The following SLC44A2 variants were observed in gnomAD, a reference collection of about 807,000 sequenced individuals.
The protein encoded by SLC44A2 is choline transporter-like protein 2.
SLC44A2 carries 57 observed loss-of-function variants against 90.8 expected under a neutral mutation model. The observed-to-expected ratio is 0.63, with a 90% CI of 0.51 to 0.78. The LOEUF is 0.78. SLC44A2 is among the 30% of genes least tolerant of loss of function. The probability of loss-of-function intolerance (pLI) is 0.00; values close to 1 mark genes in which losing one functional copy is unlikely to be tolerated. For missense variants in SLC44A2, 794 were observed against 919.7 expected (o/e 0.86, Z 1.77); for synonymous variants, 355 against 360.7 (o/e 0.98, Z 0.18).
At position 10,631,642 on chromosome 19, in the gene SLC44A2, C is replaced by T; in HGVS notation, c.519C>T (p.Phe173=). The T allele has an allele frequency of 1.2e-6, 2 of 1,613,600 alleles. No individual in the cohort carries two copies. Among genetic ancestry groups the T allele is most frequent in the Non-Finnish European group, 1.7e-6 (2 of 1,179,858 alleles). Residue 173 remains phenylalanine, a synonymous_variant, in exon 8 of 22, where the codon TTC becomes TTT. Transcript: ENST00000335757. ...IPSKPLARRC[F]PAIHAYKGVL... ...TCCATGCAGTGGCCCGGAGATGCTT[C>T]CCCGCTATCCACGCCTACAAGGGTG...
chr19:10,643,125 C>T (rs574239333), intron 21 of SLC44A2, 154 bp from the exon 22 acceptor site: 8 of 1,450,262 alleles, frequency 5.5e-6, no homozygotes, highest in Middle Eastern at 2.1e-4. Flanking sequence ...GTGTGTCCCT[C>T]GGAGCCCACT....
rs1018239328 is a variant in SLC44A2 at position 10,605,822 on chromosome 19, C to T, written c.31+3261C>T. Among the ~76,000 whole-genome samples the T allele has an allele frequency of 2.3e-4, 35 of 151,450 alleles. 1 individual carries two copies. Among genetic ancestry groups the T allele is most frequent in the Admixed American group, 2.2e-3 (34 of 15,194 alleles). ...CAGCCTGGCCAACATGGTGAAACCC[C>T]GTCTCTATTAAAAATATAAAAATTA... On this transcript the variant is annotated intron_variant, in intron 1 of 21. Transcript: ENST00000407327.
In SLC44A2 at chr19:10,642,773, T is replaced by C. The variant is rs79965874; in HGVS notation, c.2014+322T>C. 2,312 of 1,253,480 alleles carry C rather than the reference T, an allele frequency of 1.8e-3. 32 individuals are homozygous for C. In the African/African-American group the frequency reaches 0.032, roughly 17 times the overall value. 77.6% of individuals were successfully genotyped at this position (1,253,480 alleles called of 1,614,324 possible). A position where few individuals can be genotyped will look rare whatever the true frequency, so the allele number is the denominator to read the frequency against. ...GGTCTCTCCATCTGTTTTTTTTGTT[T>C]GTTTTTTTCTTCTCTCTTCCTCTCC... On this transcript the variant is annotated intron_variant, in intron 21 of 21. Coordinates refer to ENST00000335757, the MANE Select transcript of SLC44A2 (RefSeq NM_020428.4).
At chr19:10,627,008 C>CT (rs1433933703) in intron 2 of SLC44A2, among the ~76,000 whole-genome samples, 5 of 149,314 alleles carry the variant, frequency 3.3e-5, no homozygotes, top group African/African-American at 1.2e-4. Flanking sequence ...GAGACTCTGT[C>CT]TCAAAAAAAA....
chr19:10,643,009 C>G (rs779654596), intron 21 of SLC44A2: 1 of 1,558,560 alleles, frequency 6.4e-7, no homozygotes, highest in Admixed American at 1.8e-5. Context: ...GGGCAGAAGC[C>G]GAGGAGTAGA....
At chr19:10,641,390 T>C (rs1487859196) in intron 20 of SLC44A2, 19 of 444,422 alleles carry the variant, frequency 4.3e-5, no homozygotes, top group Middle Eastern at 3.4e-4. Flanking sequence ...TGAGACCCTG[T>C]CTCAAAAAAA....
At chr19:10,636,878 T>C in intron 16 of SLC44A2, 122 bp downstream of exon 16, 1 of 1,035,230 alleles carries the variant, frequency 9.7e-7, no homozygotes, top group South Asian at 1.6e-5. Context: ...TGGGTTTCTG[T>C]CTATGACGGG....
At chr19:10,631,842 C>T (rs1348032070) in intron 8 of SLC44A2, 26 bp from the exon 9 acceptor site, 2 of 1,614,218 alleles carry the variant, frequency 1.2e-6, no homozygotes, top group East Asian at 2.2e-5. Flanking sequence ...GAGGGTCTGA[C>T]CCGAGCCTTG....
intron 1 of SLC44A2, among the ~76,000 whole-genome samples, chr19:10,609,756 T>C (rs973159935): frequency 6.6e-6 from 1 of 152,120 alleles, no homozygotes; most frequent in African/African-American, 2.4e-5. Flanking sequence ...TAAGCCACCA[T>C]GCCCAGCCCA....
chr19:10,617,200 A>G (rs1056729166), intron 1 of SLC44A2, among the ~76,000 whole-genome samples: 1 of 152,080 alleles, frequency 6.6e-6, no homozygotes, highest in Non-Finnish European at 1.5e-5. Context: ...GATTACAGGC[A>G]TGAGCAACCA....
At chr19:10,604,635 C>G (rs1918050020) in intron 1 of SLC44A2, among the ~76,000 whole-genome samples, 1 of 152,124 alleles carries the variant, frequency 6.6e-6, no homozygotes, top group African/African-American at 2.4e-5. Flanking sequence ...CACTTAGGAG[C>G]CGTGTGGCCC....
intron 1 of SLC44A2, among the ~76,000 whole-genome samples, chr19:10,611,061 T>C (rs757630503): frequency 2.2e-4 from 34 of 152,082 alleles, no homozygotes; most frequent in Admixed American, 1.0e-3. Context: ...CCCAGGCTGG[T>C]TGAATTCCCC....
In SLC44A2 at chr19:10,642,304, CAG is replaced by C. The variant is rs899922874; in HGVS notation, c.1930-62_1930-61del. ...ATGTGGTCCCAGCATAGGATGGACT[CAG>C]GGGGTGGGGGCTGCTCTGGGAAGGA... On this transcript the variant is annotated intron_variant, in intron 20 of 21. Transcript: ENST00000335757. 80 of 1,424,346 alleles carry C rather than the reference CAG, an allele frequency of 5.6e-5. 1 individual carries two copies. The highest frequency in any genetic ancestry group is 2.4e-4 in the African/African-American group (17 of 71,118). 88.2% of individuals were successfully genotyped at this position (1,424,346 alleles called of 1,614,324 possible). A position where few individuals can be genotyped will look rare whatever the true frequency, so the allele number is the denominator to read the frequency against.
chr19:10,629,299 C>T (rs1437397277), intron 4 of SLC44A2, among the ~76,000 whole-genome samples: 4 of 40,976 alleles, frequency 9.8e-5, no homozygotes, highest in South Asian at 7.0e-4. Flanking sequence ...TATTTTGAAA[C>T]GGAATTTTGC....
At chr19:10,624,745 G>A (rs2066916756), upstream of SLC44A2, among the ~76,000 whole-genome samples, 1 of 152,234 alleles carries the variant, frequency 6.6e-6, no homozygotes, top group Non-Finnish European at 1.5e-5. Flanking sequence ...GACCCAGGAG[G>A]ATGTGGGCTC....
intron 9 of SLC44A2, 32 bp from the exon 10 acceptor site, chr19:10,632,012 G>A: frequency 3.1e-6 from 5 of 1,613,532 alleles, no homozygotes; most frequent in Middle Eastern, 3.3e-4. Flanking sequence ...GCTGAGGGTG[G>A]AGTCTGTTCA....
At chr19:10,630,433 G>C (rs926055421) in intron 4 of SLC44A2, among the ~76,000 whole-genome samples, 6 of 152,134 alleles carry the variant, frequency 3.9e-5, no homozygotes, top group Middle Eastern at 3.4e-3. Flanking sequence ...GAGGCGGGTG[G>C]ATCACCTGAG....
At chr19:10,610,371 A>G (rs1448191949) in intron 1 of SLC44A2, among the ~76,000 whole-genome samples, 1 of 135,722 alleles carries the variant, frequency 7.4e-6, no homozygotes, top group Non-Finnish European at 1.5e-5. Context: ...TCACTCAGTC[A>G]CCCAGGCTGG....
chr19:10,621,807 G>A (rs1401484462), upstream of SLC44A2, among the ~76,000 whole-genome samples: 1 of 152,112 alleles, frequency 6.6e-6, no homozygotes, highest in Non-Finnish European at 1.5e-5. Flanking sequence ...AATAGAAACA[G>A]GGTTTCTCCA....
Sources: gnomAD v4.1 joint callset for allele counts (sites outside exome capture counted in the v4.1 genomes callset) on GRCh38, gnomAD v4.1.1 for gene constraint, MANE v1.5 for transcripts, NCBI Gene and HGNC (gene_info 2026-07-23, HGNC 2026-07-21) for gene names.